The following LGALS16 variants were observed in gnomAD, a reference collection of about 807,000 sequenced individuals.
LGALS16 encodes galectin-16.
LGALS16 carries 15 observed loss-of-function variants against 13.2 expected under a neutral mutation model. That is an observed-to-expected ratio of 1.13 (90% CI 0.76 to 1.75). The LOEUF is 1.75. Among genes scored for constraint, LGALS16 ranks in the 40% most tolerant of loss-of-function variants. The pLI, the probability that LGALS16 is intolerant of heterozygous loss-of-function variation, is 0.00. For synonymous variants in LGALS16, 66 were observed against 65.4 expected (o/e 1.01, Z -0.05); for missense variants, 198 against 178.4 (o/e 1.11, Z -0.63).
Position 39,660,380 on chromosome 19 carries a change from T to G in LGALS16, c.304-15T>G, listed in dbSNP as rs1201541870. The G allele has an allele frequency of 1.3e-6, 2 of 1,539,544 alleles. No individual in the cohort carries two copies. Among genetic ancestry groups the G allele is most frequent in the East Asian group, 4.9e-5 (2 of 41,216 alleles). On this transcript the variant is annotated splice_polypyrimidine_tract_variant and intron_variant, in intron 3 of 3. Coordinates refer to ENST00000392051, the MANE Select transcript of LGALS16 (RefSeq NM_001190441.3). ...GGTGGCATACTGTCTTTCTGATGCATTTTTCCTCTTAAAGGTAAAGGTAAA... is the reference window on the plus strand; with the variant it reads ...GGTGGCATACTGTCTTTCTGATGCAGTTTTCCTCTTAAAGGTAAAGGTAAA...
intron 2 of LGALS16, 116 bp downstream of exon 2, chr19:39,658,075 T>A: frequency 8.2e-7 from 1 of 1,217,692 alleles, no homozygotes; most frequent in African/African-American, 1.5e-5. Flanking sequence ...GGAGGCCCCA[T>A]GCAGGTGCAG....
At chr19:39,657,817 A>G (rs760608692) in intron 1 of LGALS16, 66 bp from the exon 2 acceptor site, 16 of 1,545,996 alleles carry the variant, frequency 1.0e-5, no homozygotes, top group Non-Finnish European at 1.4e-5. Flanking sequence ...CACCATGGGA[A>G]TATGTTACAG....
chr19:39,657,355 T>G (rs1973205736), intron 1 of LGALS16, among the ~76,000 whole-genome samples: 1 of 152,150 alleles, frequency 6.6e-6, no homozygotes, highest in African/African-American at 2.4e-5. Flanking sequence ...GCTTCACTTG[T>G]GCAAGTACTG....
intron 1 of LGALS16, among the ~76,000 whole-genome samples, 188 bp downstream of exon 1, chr19:39,656,164 T>C (rs56096527): frequency 0.019 from 2,917 of 152,254 alleles, 89 homozygotes; most frequent in African/African-American, 0.067. Context: ...TTGTGGATCC[T>C]GGACAAATGT....
chr19:39,656,293 G>A (rs1310274402), intron 1 of LGALS16, among the ~76,000 whole-genome samples: 1 of 152,122 alleles, frequency 6.6e-6, no homozygotes, highest in East Asian at 1.9e-4. Context: ...AGTGTAAGGG[G>A]GGTGATTGTA....
intron 3 of LGALS16, among the ~76,000 whole-genome samples, chr19:39,659,510 T>A (rs917732357): frequency 5.9e-5 from 9 of 152,210 alleles, no homozygotes; most frequent in African/African-American, 2.2e-4. Flanking sequence ...TCAAAGAATA[T>A]ATCTTGAAGA....
In LGALS16 at chr19:39,658,654, G is replaced by A. The variant is rs2144865216; in HGVS notation, c.287G>A (p.Cys96Tyr). 1 of 1,579,494 alleles carries A rather than the reference G, an allele frequency of 6.3e-7. No individual in the cohort carries two copies. Among genetic ancestry groups the A allele is most frequent in the East Asian group, 2.3e-5 (1 of 43,438 alleles). ...GKPFDLRIYV[C>Y]HNEYEVKVNG... The stretch of plus-strand genomic sequence containing the variant: ...CCATTTGACTTGCGCATCTACGTGT[G>A]TCACAATGAGTATGAGGTGAGCACC... Residue 96 changes from cysteine (C) to tyrosine (Y), a missense_variant, in exon 3 of 4, where the codon TGT becomes TAT. By Grantham distance (194) the Cys-to-Tyr change is radical. Transcript: ENST00000392051.
rs1266240825 is a variant in LGALS16 at position 39,660,378 on chromosome 19, C to T, written c.304-17C>T. 5.8e-6 allele frequency: 9 copies of T among 1,540,024 alleles called. No individual in the cohort carries two copies. The Admixed American group carries it at 1.6e-4, about 27-fold the overall frequency. On this transcript the variant is annotated splice_polypyrimidine_tract_variant and intron_variant, in intron 3 of 3. Transcript: ENST00000392051. ...TGGGTGGCATACTGTCTTTCTGATG[C>T]ATTTTTCCTCTTAAAGGTAAAGGTA...
intron 1 of LGALS16, among the ~76,000 whole-genome samples, chr19:39,656,874 A>G (rs938475220): frequency 6.6e-6 from 1 of 151,860 alleles, no homozygotes; most frequent in Non-Finnish European, 1.5e-5. Flanking sequence ...TAAAATATCC[A>G]CTGTAAGCTA....
At chr19:39,655,997 C>T in intron 1 of LGALS16, 21 bp downstream of exon 1, 2 of 1,612,002 alleles carry the variant, frequency 1.2e-6, no homozygotes, top group East Asian at 2.2e-5. Context: ...AAGGCACAGC[C>T]TTCAATAATC....
intron 1 of LGALS16, among the ~76,000 whole-genome samples, chr19:39,656,327 G>A (rs1973194411): frequency 6.6e-6 from 1 of 152,150 alleles, no homozygotes; most frequent in South Asian, 2.1e-4. Flanking sequence ...TTTGTGATGT[G>A]AGTGTGTGTT....
chr19:39,656,709 T>C lies in LGALS16; in HGVS notation c.15+733T>C, dbSNP rs112882040. Among the ~76,000 whole-genome samples, 1,043 of 152,088 alleles carry C rather than the reference T, an allele frequency of 6.9e-3. 15 individuals are homozygous for C. The highest frequency in any genetic ancestry group is 0.023 in the African/African-American group (971 of 41,488). On this transcript the variant is annotated intron_variant, in intron 1 of 3. Transcript: ENST00000392051. ...AGAGGAATGGAGACTATGGGGGTGA[T>C]GGATCCTCAGGTGGGGTCTGCACAG...
At chr19:39,657,170 T>A (rs533116703) in intron 1 of LGALS16, among the ~76,000 whole-genome samples, 12 of 152,220 alleles carry the variant, frequency 7.9e-5, no homozygotes, top group African/African-American at 2.9e-4. Context: ...GGGGCAGATG[T>A]GTGAGGATCA....
chr19:39,657,889 T>C lies in LGALS16; in HGVS notation c.22T>C (p.Tyr8His). ...ATTCTCAATACCCTGGCAGGTGCCA[T>C]ACAAACTGCCTGTGTCTTTGTCTGT... is the stretch of plus-strand genomic sequence containing the variant. MSFLTVP[Y>H]KLPVSLSVGS... is the part of the protein sequence containing the mutation. Residue 8 changes from tyrosine to histidine, a missense_variant, in exon 2 of 4, where the codon TAC becomes CAC. Coordinates refer to ENST00000392051, the MANE Select transcript of LGALS16 (RefSeq NM_001190441.3). 1.9e-6 allele frequency: 3 copies of C among 1,613,894 alleles called. No individual in the cohort carries two copies. Among genetic ancestry groups the C allele is most frequent in the African/African-American group, 1.3e-5 (1 of 75,058 alleles).
Position 39,660,407 on chromosome 19 carries a change from G to T in LGALS16, c.316G>T (p.Gly106Cys), listed in dbSNP as rs190910422. Residue 106 changes from glycine to cysteine, a missense_variant, in exon 4 of 4, where the codon GGT (glycine) becomes TGT (cysteine). Coordinates refer to ENST00000392051, the MANE Select transcript of LGALS16 (RefSeq NM_001190441.3). The part of the protein sequence containing the change: ...CHNEYEVKVN[G>C]EYIYAFVHRI... ...TTTCCTCTTAAAGGTAAAGGTAAAT[G>T]GTGAATACATTTATGCCTTTGTCCA... The T allele has an allele frequency of 2.3e-4, 349 of 1,540,662 alleles. No homozygotes were observed. In the African/African-American group the frequency reaches 4.3e-3, roughly 19 times the overall value.
At chr19:39,658,178 T>G (rs985377900) in intron 2 of LGALS16, among the ~76,000 whole-genome samples, 4 of 152,156 alleles carry the variant, frequency 2.6e-5, no homozygotes, top group Non-Finnish European at 5.9e-5. Flanking sequence ...CTCAGTGGGT[T>G]GGGACTGTGG....
At chr19:39,656,425 G>C (rs1973195478) in intron 1 of LGALS16, among the ~76,000 whole-genome samples, 1 of 152,198 alleles carries the variant, frequency 6.6e-6, no homozygotes, top group Admixed American at 6.5e-5. Flanking sequence ...CTGTGTGACT[G>C]TGGGTGTGTG....
At chr19:39,656,832 T>A (rs1973200189) in intron 1 of LGALS16, among the ~76,000 whole-genome samples, 1 of 151,860 alleles carries the variant, frequency 6.6e-6, no homozygotes, top group Non-Finnish European at 1.5e-5. Flanking sequence ...GAGAAGGATA[T>A]TAGAGGCCAT....
chr19:39,660,283 T>C (rs1973244889), intron 3 of LGALS16, 112 bp from the exon 4 acceptor site: 2 of 1,033,956 alleles, frequency 1.9e-6, no homozygotes, highest in Admixed American at 4.5e-5. Context: ...CATTCGCTTG[T>C]ATAACTAGGA....
Sources: allele counts gnomAD v4.1 joint callset (sites outside exome capture counted in the v4.1 genomes callset), GRCh38; gene constraint gnomAD v4.1.1; transcripts MANE v1.5; gene names NCBI Gene and HGNC (gene_info 2026-07-23, HGNC 2026-07-21).